Variants in CSMD1 observed in about 807,000 individuals in gnomAD.
CSMD1 encodes the protein CUB and Sushi multiple domains 1.
A neutral mutation model predicts 417.5 loss-of-function variants in CSMD1; 213 were observed. The ratio of observed to expected loss-of-function variants is 0.51; its 90% confidence interval spans 0.46 to 0.57. The LOEUF (loss-of-function observed/expected upper bound fraction) is 0.57. Ranked by LOEUF, CSMD1 falls within the 20% of genes least tolerant of loss-of-function variation. The pLI, the probability that CSMD1 is intolerant of heterozygous loss-of-function variation, is 0.00. For synonymous variants in CSMD1, 2,862 were observed against 1,736.8 expected, an observed-to-expected ratio of 1.65 and a Z score of -16.11; for missense variants, 6,923 against 4,529.7, an observed-to-expected ratio of 1.53 and a Z score of -15.17.
intron 22 of CSMD1, among the ~76,000 whole-genome samples, chr8:3,344,248 A>T (rs1366433900): frequency 6.6e-6 from 1 of 152,150 alleles, no homozygotes; most frequent in East Asian, 1.9e-4. Flanking sequence ...AGGATCGGGT[A>T]AAAGTGTTTA....
chr8:4,802,545 T>C (rs1455739003), intron 1 of CSMD1, among the ~76,000 whole-genome samples: 3 of 152,190 alleles, frequency 2.0e-5, no homozygotes, highest in Non-Finnish European at 4.4e-5. Flanking sequence ...CTTGAAACTT[T>C]ATAATTTCAA....
chr8:4,614,709 C>T (rs973293927), intron 2 of CSMD1, among the ~76,000 whole-genome samples: 3 of 151,910 alleles, frequency 2.0e-5, no homozygotes, highest in South Asian at 4.2e-4. Flanking sequence ...ATTCATGGAA[C>T]GAACACTTCC....
chr8:3,544,293 G>C (rs1488879023), intron 10 of CSMD1, among the ~76,000 whole-genome samples: 4 of 152,116 alleles, frequency 2.6e-5, no homozygotes, highest in Admixed American at 6.5e-5. Context: ...TTGCTTTAAA[G>C]AAAATAATAT....
chr8:4,534,597 C>T (rs560430194), intron 2 of CSMD1, among the ~76,000 whole-genome samples: 2 of 152,226 alleles, frequency 1.3e-5, no homozygotes, highest in East Asian at 1.9e-4. Flanking sequence ...CCTCTTTCCC[C>T]ATTCTAGTAG....
At chr8:4,890,960 G>C (rs866119161) in intron 1 of CSMD1, among the ~76,000 whole-genome samples, 5 of 152,082 alleles carry the variant, frequency 3.3e-5, no homozygotes, top group Middle Eastern at 3.2e-3. Context: ...GAAAGTATTG[G>C]TGGTGTTTGA....
At chr8:4,162,173 T>A (rs13259195) in intron 3 of CSMD1, among the ~76,000 whole-genome samples, 1 of 151,950 alleles carries the variant, frequency 6.6e-6, no homozygotes, top group Non-Finnish European at 1.5e-5. Context: ...CCTGCCTGCT[T>A]TGCGCAACTT....
intron 3 of CSMD1, among the ~76,000 whole-genome samples, chr8:4,360,508 G>C (rs866056523): frequency 2.2e-4 from 33 of 152,264 alleles, no homozygotes; most frequent in African/African-American, 7.7e-4. Context: ...CAGGTTCTTT[G>C]AGATGGAGTC....
intron 1 of CSMD1, among the ~76,000 whole-genome samples, chr8:4,939,819 G>A (rs1024826189): frequency 3.3e-5 from 5 of 150,990 alleles, no homozygotes; most frequent in African/African-American, 1.2e-4. Context: ...TCACAAAAAA[G>A]AATTCACATG....
chr8:4,219,795 T>G (rs1157527014), intron 3 of CSMD1, among the ~76,000 whole-genome samples: 1 of 152,234 alleles, frequency 6.6e-6, no homozygotes, highest in Non-Finnish European at 1.5e-5. Context: ...AGCCATTATG[T>G]ATTAATGTCT....
intron 12 of CSMD1, among the ~76,000 whole-genome samples, chr8:3,468,209 G>T (rs528441918): frequency 6.6e-6 from 1 of 152,188 alleles, no homozygotes; most frequent in Non-Finnish European, 1.5e-5. Context: ...CAATGGTTCA[G>T]AAATTGTTTG....
intron 2 of CSMD1, among the ~76,000 whole-genome samples, chr8:4,531,927 G>A (rs62479747): frequency 0.38 from 54,369 of 142,802 alleles, 11,214 homozygotes; most frequent in Non-Finnish European, 0.48. Flanking sequence ...AATCCTGCAA[G>A]CCCATTCACA....
At chr8:3,265,451 A>T (rs1486996382) in intron 26 of CSMD1, among the ~76,000 whole-genome samples, 1 of 152,218 alleles carries the variant, frequency 6.6e-6, no homozygotes, top group African/African-American at 2.4e-5. Context: ...CAGGGATCAG[A>T]GACGTTTCCT....
chr8:4,724,819 T>A (rs755090255), intron 1 of CSMD1, among the ~76,000 whole-genome samples: 1 of 152,080 alleles, frequency 6.6e-6, no homozygotes, highest in Non-Finnish European at 1.5e-5. Flanking sequence ...TATATTCAAG[T>A]TGAATATAGC....
At chr8:3,937,559 C>G (rs1342625695) in intron 5 of CSMD1, among the ~76,000 whole-genome samples, 1 of 152,078 alleles carries the variant, frequency 6.6e-6, no homozygotes, top group African/African-American at 2.4e-5. Flanking sequence ...GCACACTCAA[C>G]AGAATGCAGT....
intron 20 of CSMD1, among the ~76,000 whole-genome samples, chr8:3,363,278 A>G (rs988969543): frequency 6.6e-6 from 1 of 152,200 alleles, no homozygotes; most frequent in East Asian, 1.9e-4. Context: ...TCAACCACAG[A>G]AGAAGAAACA....
intron 1 of CSMD1, among the ~76,000 whole-genome samples, chr8:4,942,721 A>T (rs4538908): frequency 0.51 from 77,837 of 151,928 alleles, 21,208 homozygotes; most frequent in East Asian, 0.79. Flanking sequence ...ATCAGTGGAG[A>T]ATCCAATACC....
intron 2 of CSMD1, among the ~76,000 whole-genome samples, chr8:4,528,446 A>G (rs985449353): frequency 6.6e-6 from 1 of 152,228 alleles, no homozygotes; most frequent in African/African-American, 2.4e-5. Context: ...TACCACAGAT[A>G]TGAAAATACT....
intron 7 of CSMD1, among the ~76,000 whole-genome samples, chr8:3,658,475 T>TAC (rs1798241534): frequency 6.8e-6 from 1 of 147,614 alleles, no homozygotes. Flanking sequence ...TGTATATATA[T>TAC]ATATATTTAA....
chr8:4,477,921 T>A (rs1800890075), intron 2 of CSMD1, among the ~76,000 whole-genome samples: 1 of 152,208 alleles, frequency 6.6e-6, no homozygotes, highest in Non-Finnish European at 1.5e-5. Context: ...CTGATCAATT[T>A]TTGCCTGGCG....
Sources: allele counts gnomAD v4.1 joint callset (sites outside exome capture counted in the v4.1 genomes callset), GRCh38; gene constraint gnomAD v4.1.1; transcripts MANE v1.5; gene names NCBI Gene and HGNC (gene_info 2026-07-23, HGNC 2026-07-21).